HMGB1: variants seen among roughly 807,000 people sequenced by gnomAD.
HMGB1 encodes the protein high mobility group protein B1.
For synonymous variants in HMGB1, 81 were observed against 84.0 expected (o/e 0.96, Z 0.19); for missense variants, 79 against 253.5 (o/e 0.31, Z 4.67).
At chr13:30,579,402 G>A (rs576219076) in intron 1 of HMGB1, among the ~76,000 whole-genome samples, 10 of 152,282 alleles carry the variant, frequency 6.6e-5, no homozygotes, top group South Asian at 2.1e-4. Context: ...ATTGTAGAAC[G>A]TGGTTTTAAA....
At chr13:30,591,521 T>C (rs1293894441) in intron 1 of HMGB1, among the ~76,000 whole-genome samples, 1 of 151,950 alleles carries the variant, frequency 6.6e-6, no homozygotes, top group African/African-American at 2.4e-5. Flanking sequence ...TTTTTTTTTT[T>C]TTCTTTTTGA....
chr13:30,589,158 A>G (rs1413340541), intron 1 of HMGB1, among the ~76,000 whole-genome samples: 1 of 151,854 alleles, frequency 6.6e-6, no homozygotes, highest in Admixed American at 6.6e-5. Context: ...GGCATGTGCC[A>G]TCATGCTCAG....
chr13:30,496,144 C>A (rs1282458265), intron 1 of HMGB1, among the ~76,000 whole-genome samples: 2 of 152,150 alleles, frequency 1.3e-5, no homozygotes, highest in Non-Finnish European at 2.9e-5. Context: ...CACTATTGGG[C>A]ACCTGAAGAT....
intron 1 of HMGB1, chr13:30,464,114 G>A (rs1886545482): frequency 1.0e-6 from 1 of 983,670 alleles, no homozygotes; most frequent in African/African-American, 1.8e-5. Context: ...AAGGGCCTAA[G>A]CGAGTCGACT....
Position 30,457,622 on chromosome 13 carries a change from G to C in HMGB1, c.*3735C>G, listed in dbSNP as rs569938768. The stretch of plus-strand genomic sequence containing the variant: ...CAATGCACATGTCTAAAGTCATCTA[G>C]CATTTCTTCCTGGTAGAGATTACCT... On this transcript the variant is annotated 3_prime_UTR_variant, in exon 5 of 5. Transcript: ENST00000341423. The C allele has an allele frequency of 6.6e-6, 1 of 152,304 alleles. No individual in the cohort carries two copies. The highest frequency in any genetic ancestry group is 2.4e-5 in the African/African-American group (1 of 41,544). 9.4% of individuals were successfully genotyped at this position (152,304 alleles called of 1,614,324 possible). A position where few individuals can be genotyped will look rare whatever the true frequency, so the allele number is the denominator to read the frequency against.
chr13:30,464,773 G>A, intron 1 of HMGB1: 2 of 239,600 alleles, frequency 8.3e-6, no homozygotes, highest in Non-Finnish European at 1.3e-5. Flanking sequence ...GTGTGTGTGT[G>A]TGTGTGTGTG....
At chr13:30,462,803 C>T in intron 3 of HMGB1, 91 bp from the exon 4 acceptor site, 1 of 938,740 alleles carries the variant, frequency 1.1e-6, no homozygotes, top group Admixed American at 2.4e-5. Context: ...TTAAAGCTGC[C>T]TGTGAATTTC....
chr13:30,588,961 T>TGA (rs1871266221), intron 1 of HMGB1, among the ~76,000 whole-genome samples: 1 of 151,576 alleles, frequency 6.6e-6, no homozygotes, highest in Non-Finnish European at 1.5e-5. Context: ...TGTTTTCTGA[T>TGA]GATATATATG....
intron 1 of HMGB1, among the ~76,000 whole-genome samples, chr13:30,589,831 C>T (rs1320708770): frequency 2.0e-5 from 3 of 151,550 alleles, no homozygotes; most frequent in Non-Finnish European, 4.4e-5. Context: ...GATTGTGCCA[C>T]TGCACTCTAG....
chr13:30,544,523 T>A (rs1330511022), intron 1 of HMGB1, among the ~76,000 whole-genome samples: 4 of 152,194 alleles, frequency 2.6e-5, no homozygotes, highest in Admixed American at 1.3e-4. Context: ...GTAATGACGC[T>A]TCCATAAAAC....
At chr13:30,579,699 G>A (rs549101424) in intron 1 of HMGB1, among the ~76,000 whole-genome samples, 2 of 152,242 alleles carry the variant, frequency 1.3e-5, no homozygotes, top group African/African-American at 4.8e-5. Flanking sequence ...ATAAGAGAAC[G>A]TACGTAAATG....
chr13:30,472,853 C>CTT (rs11434170), intron 1 of HMGB1, among the ~76,000 whole-genome samples: 10,508 of 144,586 alleles, frequency 0.073, 487 homozygotes, highest in South Asian at 0.2. Context: ...ATACTGAAAA[C>CTT]TTTTTTTTTT....
At chr13:30,463,406 C>T (rs1363774215) in intron 2 of HMGB1, 54 bp from the exon 3 acceptor site, 6 of 1,549,876 alleles carry the variant, frequency 3.9e-6, no homozygotes, top group Non-Finnish European at 5.3e-6. Context: ...AAATTATCCT[C>T]AAAACCAATG....
intron 1 of HMGB1, among the ~76,000 whole-genome samples, chr13:30,531,555 T>TGC (rs1300021524): frequency 6.7e-6 from 1 of 148,686 alleles, no homozygotes; most frequent in African/African-American, 2.5e-5. Context: ...TGTGTGTGTG[T>TGC]GTTTTCAGCG....
intron 1 of HMGB1, among the ~76,000 whole-genome samples, chr13:30,496,535 C>CA (rs1887613115): frequency 6.6e-6 from 1 of 152,328 alleles, no homozygotes; most frequent in African/African-American, 2.4e-5. Context: ...GTGCATCAAA[C>CA]AAAAACCTTA....
intron 1 of HMGB1, among the ~76,000 whole-genome samples, chr13:30,471,417 G>A (rs539687211): frequency 2.6e-5 from 4 of 151,380 alleles, no homozygotes; most frequent in Admixed American, 6.6e-5. Context: ...GCGCGATCTC[G>A]GCTCACTGCA....
chr13:30,488,645 TTTATTATTATTATTATTA>T (rs58604214), intron 1 of HMGB1, among the ~76,000 whole-genome samples: 1,872 of 137,840 alleles, frequency 0.014, 14 homozygotes, highest in Middle Eastern at 0.04. Context: ...AATTTTTAAT[TTTATTATTATTATTATTA>T]TTATTATTAT....
chr13:30,528,391 CA>C (rs1888417551), intron 1 of HMGB1, among the ~76,000 whole-genome samples: 1 of 151,982 alleles, frequency 6.6e-6, no homozygotes, highest in Admixed American at 6.6e-5. Context: ...TTTTGAGGAA[CA>C]GAAAGATCAC....
At chr13:30,505,502 G>A (rs919478525) in intron 1 of HMGB1, among the ~76,000 whole-genome samples, 1 of 151,748 alleles carries the variant, frequency 6.6e-6, no homozygotes, top group African/African-American at 2.4e-5. Context: ...AATAGAGATG[G>A]GTTTCACCAT....
Sources: allele counts gnomAD v4.1 joint callset (sites outside exome capture counted in the v4.1 genomes callset), GRCh38; gene constraint gnomAD v4.1.1; transcripts MANE v1.5; gene names NCBI Gene and HGNC (gene_info 2026-07-23, HGNC 2026-07-21).